Variants in ZNF461 observed in about 807,000 individuals in gnomAD.
The protein encoded by ZNF461 is zinc finger protein 461.
In ZNF461, 16 loss-of-function variants were observed where a neutral mutation model predicts 18.3. The observed-to-expected ratio is 0.88, with a 90% CI of 0.59 to 1.33. ZNF461 has a LOEUF of 1.33. Among genes scored for constraint, ZNF461 ranks in the 40% most tolerant of loss-of-function variants. The probability of loss-of-function intolerance (pLI) is 0.00; values close to 1 mark genes in which losing one functional copy is unlikely to be tolerated. For missense variants in ZNF461, 595 were observed against 669.9 expected, an observed-to-expected ratio of 0.89 and a Z score of 1.23; for synonymous variants, 179 against 216.9, an observed-to-expected ratio of 0.83 and a Z score of 1.54.
At chr19:36,642,010 ACCT>A (rs1436459241) in intron 5 of ZNF461, among the ~76,000 whole-genome samples, 1 of 152,014 alleles carries the variant, frequency 6.6e-6, no homozygotes, top group African/African-American at 2.4e-5. Flanking sequence ...TGCAGGCCCG[ACCT>A]CCTGAGCTCA....
At chr19:36,640,459 A>G (rs1244105038) in intron 5 of ZNF461, among the ~76,000 whole-genome samples, 1 of 152,222 alleles carries the variant, frequency 6.6e-6, no homozygotes, top group Non-Finnish European at 1.5e-5. Context: ...TTTTTAAAAA[A>G]TATCAATTGA....
intron 4 of ZNF461, among the ~76,000 whole-genome samples, chr19:36,650,723 A>T (rs1211299174): frequency 1.3e-5 from 2 of 152,134 alleles, no homozygotes; most frequent in Non-Finnish European, 2.9e-5. Context: ...AATGAATAAA[A>T]AGCATAATAT....
chr19:36,639,705 G>T lies in ZNF461; in HGVS notation c.640C>A (p.His214Asn). ...HLFFSHHKRT[H>N]SKELSECKEC... ...TTACATTCAGAAAGTTCTTTAGAATGAGTTCTTTTGTGGTGACTAAAAAAT... is the reference window on the plus strand; with the variant it reads ...TTACATTCAGAAAGTTCTTTAGAATTAGTTCTTTTGTGGTGACTAAAAAAT... The change falls in exon 6 of 6, where the codon CAT (histidine) becomes AAT (asparagine). Residue 214 changes from histidine (H) to asparagine (N), a missense_variant. His to Asn is a moderately conservative substitution (Grantham distance 68). Transcript: ENST00000588268. 6.2e-7 allele frequency: 1 copy of T among 1,613,632 alleles called. No individual in the cohort carries two copies. The highest frequency in any genetic ancestry group is 1.7e-4 in the Middle Eastern group (1 of 6,056).
At chr19:36,660,379 A>G (rs923440122) in intron 2 of ZNF461, among the ~76,000 whole-genome samples, 2 of 151,262 alleles carry the variant, frequency 1.3e-5, no homozygotes, top group African/African-American at 4.9e-5. Context: ...CAAACTCCTG[A>G]CCTCAAATGA....
In ZNF461 at chr19:36,658,422, A is replaced by C. The variant is rs1450600278; in HGVS notation, c.13T>G (p.Leu5Val). The change falls in exon 3 of 6, where the codon TTG becomes GTG. Residue 5 changes from leucine to valine, a missense_variant. Coordinates refer to ENST00000588268, the MANE Select transcript of ZNF461 (RefSeq NM_153257.5). MAHE[L>V]VMFRDVAIDV... Reference sequence around the variant, plus strand: ...ATAGCCACATCTCTGAACATCACCAACTCCTAAAATGACAAATAATAGTAC... The same window carrying C: ...ATAGCCACATCTCTGAACATCACCACCTCCTAAAATGACAAATAATAGTAC... 1 of 1,602,956 alleles carries C rather than the reference A, an allele frequency of 6.2e-7. No homozygotes were observed. The highest frequency in any genetic ancestry group is 1.3e-5 in the African/African-American group (1 of 74,412).
Position 36,638,328 on chromosome 19 carries a change from T to C in ZNF461, c.*325A>G. 1 of 214,288 alleles carries C rather than the reference T, an allele frequency of 4.7e-6. No homozygotes were observed. The highest frequency in any genetic ancestry group is 9.3e-6 in the Non-Finnish European group (1 of 107,404). The allele number at this position is 214,288 out of a possible 1,614,324, so 13.3% of individuals were successfully genotyped here. On this transcript the variant is annotated 3_prime_UTR_variant, in exon 6 of 6. Coordinates refer to ENST00000588268, the MANE Select transcript of ZNF461 (RefSeq NM_153257.5). ...AAGGAAGAAGAAATACACATACTGGTTATCTCAGAGATTTGAGGGAAGGGA... is the reference window on the plus strand; with the variant it reads ...AAGGAAGAAGAAATACACATACTGGCTATCTCAGAGATTTGAGGGAAGGGA...
chr19:36,641,326 C>G (rs190432255), intron 5 of ZNF461, among the ~76,000 whole-genome samples: 4 of 152,124 alleles, frequency 2.6e-5, no homozygotes, highest in Admixed American at 1.3e-4. Context: ...TGGAGACCAG[C>G]CTGGCCAACA....
chr19:36,666,133 T>G (rs2037926731), intron 1 of ZNF461, among the ~76,000 whole-genome samples: 1 of 151,622 alleles, frequency 6.6e-6, no homozygotes, highest in East Asian at 1.9e-4. Context: ...TCACTCTTGT[T>G]GCCCAGGTTG....
chr19:36,664,637 A>T, intron 2 of ZNF461, 61 bp downstream of exon 2: 2 of 1,428,024 alleles, frequency 1.4e-6, no homozygotes, highest in South Asian at 2.9e-5. Context: ...TACAAAAAAA[A>T]CAAAAACAAA....
chr19:36,645,380 T>C (rs942026397), intron 4 of ZNF461, among the ~76,000 whole-genome samples: 2 of 152,224 alleles, frequency 1.3e-5, no homozygotes, highest in African/African-American at 4.8e-5. Context: ...TAATAAATAC[T>C]TTTTTCTATT....
At chr19:36,649,325 ATTATTTAT>A (rs2037584126) in intron 4 of ZNF461, among the ~76,000 whole-genome samples, 1 of 116,640 alleles carries the variant, frequency 8.6e-6, no homozygotes, top group Non-Finnish European at 1.7e-5. Flanking sequence ...AGTATATTTT[ATTATTTAT>A]TTATGTTTTT....
At chr19:36,643,996 A>T in intron 4 of ZNF461, 134 bp from the exon 5 acceptor site, 1 of 686,784 alleles carries the variant, frequency 1.5e-6, no homozygotes, top group South Asian at 3.4e-5. Context: ...GCAATCACAC[A>T]ATCTCAGCTC....
chr19:36,656,962 G>C (rs1358549992), intron 3 of ZNF461, among the ~76,000 whole-genome samples: 1 of 151,778 alleles, frequency 6.6e-6, no homozygotes, highest in African/African-American at 2.4e-5. Flanking sequence ...TGGGATTATA[G>C]GCGCACACCA....
intron 2 of ZNF461, among the ~76,000 whole-genome samples, chr19:36,663,370 A>G (rs1448049413): frequency 2.0e-5 from 3 of 151,840 alleles, no homozygotes; most frequent in African/African-American, 7.3e-5. Flanking sequence ...CCTTTTCTTA[A>G]CCTTTCTAAA....
chr19:36,651,453 T>C (rs2037626081), intron 4 of ZNF461, among the ~76,000 whole-genome samples: 1 of 152,020 alleles, frequency 6.6e-6, no homozygotes, highest in South Asian at 2.1e-4. Context: ...TTGTCGATAA[T>C]TTGTTTATAA....
At position 36,638,992 on chromosome 19, in the gene ZNF461, T is replaced by C; in HGVS notation, c.1353A>G (p.Arg451=). 6.2e-7 allele frequency: 1 copy of C among 1,613,740 alleles called. No individual in the cohort carries two copies. Among genetic ancestry groups the C allele is most frequent in the Non-Finnish European group, 8.5e-7 (1 of 1,179,912 alleles). ...GATGTCTTTTGAGGTGTGAACACTG[T>C]CTAAAAGTCTTCCCACATTCCTTAC... ...YECKECGKTF[R]QCSHLKRHQR... Residue 451 remains arginine, a synonymous_variant, in exon 6 of 6, where the codon AGA becomes AGG. Transcript: ENST00000588268.
At chr19:36,662,459 G>A (rs2037835142) in intron 2 of ZNF461, among the ~76,000 whole-genome samples, 1 of 150,858 alleles carries the variant, frequency 6.6e-6, no homozygotes, top group South Asian at 2.1e-4. Context: ...GATTCACCAT[G>A]TTGACCAGGA....
chr19:36,658,298 C>G lies in ZNF461; in HGVS notation c.136+1G>C. 1 of 1,605,362 alleles carries G rather than the reference C, an allele frequency of 6.2e-7. No homozygotes were observed. The highest frequency in any genetic ancestry group is 8.5e-7 in the Non-Finnish European group (1 of 1,175,626). ...GGTTCTTAATTTTTAGATAACTTTA[C>G]CAAGTGACACCAAGTTGCTATAATT... On this transcript the variant is annotated splice_donor_variant, in intron 3 of 5. Transcript: ENST00000588268. LOFTEE classifies it high-confidence loss of function.
At chr19:36,646,472 C>T (rs1352988664) in intron 4 of ZNF461, among the ~76,000 whole-genome samples, 1 of 152,130 alleles carries the variant, frequency 6.6e-6, no homozygotes, top group East Asian at 1.9e-4. Flanking sequence ...CCCCTGTGAG[C>T]TTGACAGCTT....
Sources: allele counts gnomAD v4.1 joint callset (sites outside exome capture counted in the v4.1 genomes callset), GRCh38; gene constraint gnomAD v4.1.1; transcripts MANE v1.5; gene names NCBI Gene and HGNC (gene_info 2026-07-23, HGNC 2026-07-21).